CA10: variants seen among roughly 807,000 people sequenced by gnomAD.
CA10 encodes the protein carbonic anhydrase-related protein 10.
A neutral mutation model predicts 44.2 loss-of-function variants in CA10; 14 were observed. That is an observed-to-expected ratio of 0.32 (90% CI 0.21 to 0.50). The LOEUF is 0.50. Among genes scored for constraint, CA10 ranks in the 20% least tolerant of loss-of-function variants. The probability of loss-of-function intolerance (pLI) is 0.99; values close to 1 mark genes in which losing one functional copy is unlikely to be tolerated. For missense variants in CA10, 350 were observed against 409.7 expected, an observed-to-expected ratio of 0.85 and a Z score of 1.26; for synonymous variants, 159 against 141.6, an observed-to-expected ratio of 1.12 and a Z score of -0.87.
At chr17:51,935,135 G>A (rs1370280962) in intron 2 of CA10, among the ~76,000 whole-genome samples, 1 of 152,114 alleles carries the variant, frequency 6.6e-6, no homozygotes, top group Non-Finnish European at 1.5e-5. Flanking sequence ...CCTTCATAGT[G>A]TTATCTTTCA....
At chr17:52,033,572 C>A (rs1029066032) in intron 2 of CA10, among the ~76,000 whole-genome samples, 4 of 152,092 alleles carry the variant, frequency 2.6e-5, no homozygotes, top group African/African-American at 9.7e-5. Context: ...TACTATTCAG[C>A]AGTTAAATGA....
intron 2 of CA10, among the ~76,000 whole-genome samples, chr17:51,965,824 C>A (rs1280274836): frequency 6.6e-6 from 1 of 151,822 alleles, no homozygotes; most frequent in Non-Finnish European, 1.5e-5. Flanking sequence ...GATGCCCATT[C>A]TCACCACTCC....
intron 4 of CA10, among the ~76,000 whole-genome samples, chr17:51,739,767 G>A (rs1904383903): frequency 6.6e-6 from 1 of 152,190 alleles, no homozygotes; most frequent in African/African-American, 2.4e-5. Flanking sequence ...TGGTATTGCT[G>A]TAATGTGCCC....
intron 1 of CA10, among the ~76,000 whole-genome samples, chr17:52,127,856 G>A (rs1989153410): frequency 6.6e-6 from 1 of 152,166 alleles, no homozygotes; most frequent in South Asian, 2.1e-4. Flanking sequence ...GATATCCTGT[G>A]AACCTGTGTT....
At chr17:51,685,748 C>T (rs924705456) in intron 4 of CA10, among the ~76,000 whole-genome samples, 2 of 152,164 alleles carry the variant, frequency 1.3e-5, no homozygotes, top group African/African-American at 4.8e-5. Context: ...GCCAAACAAT[C>T]AACAGAGGTG....
intron 3 of CA10, among the ~76,000 whole-genome samples, chr17:51,843,420 T>G (rs540407214): frequency 1.3e-5 from 2 of 152,258 alleles, no homozygotes; most frequent in African/African-American, 4.8e-5. Context: ...CCTTGCACAC[T>G]GGTTTAAGAC....
chr17:52,046,308 T>TA (rs35690751), intron 2 of CA10, among the ~76,000 whole-genome samples: 73,691 of 145,450 alleles, frequency 0.51, 19,085 homozygotes, highest in East Asian at 0.78. Context: ...AAGCTTCTAG[T>TA]AAAAAAAAAA....
At chr17:51,994,876 G>A (rs1399181419) in intron 2 of CA10, among the ~76,000 whole-genome samples, 1 of 151,952 alleles carries the variant, frequency 6.6e-6, no homozygotes, top group African/African-American at 2.4e-5. Flanking sequence ...CCATGGTAGA[G>A]TTTTGTCTGT....
chr17:51,800,576 C>T (rs926360752), intron 3 of CA10, among the ~76,000 whole-genome samples: 3 of 152,130 alleles, frequency 2.0e-5, no homozygotes, highest in Non-Finnish European at 1.5e-5. Context: ...ACAACCTTGG[C>T]TAAGTTAACC....
intron 3 of CA10, among the ~76,000 whole-genome samples, chr17:51,851,474 G>A (rs776166794): frequency 2.6e-5 from 4 of 152,166 alleles, no homozygotes; most frequent in Admixed American, 6.5e-5. Context: ...TGTACCTCAC[G>A]GGTTGTTTTG....
At chr17:52,148,182 G>A (rs951693396) in intron 1 of CA10, among the ~76,000 whole-genome samples, 1 of 152,152 alleles carries the variant, frequency 6.6e-6, no homozygotes, top group East Asian at 1.9e-4. Context: ...AGTGGGGTAG[G>A]CTATTCTCCC....
At chr17:51,836,685 T>C (rs927616896) in intron 3 of CA10, among the ~76,000 whole-genome samples, 1 of 152,230 alleles carries the variant, frequency 6.6e-6, no homozygotes, top group African/African-American at 2.4e-5. Context: ...TTTGGACACC[T>C]TTGTTAAGGA....
chr17:52,013,773 G>A (rs1166717534), intron 2 of CA10, among the ~76,000 whole-genome samples: 1 of 151,836 alleles, frequency 6.6e-6, no homozygotes, highest in Non-Finnish European at 1.5e-5. Context: ...ATCCACAGGG[G>A]ACTGGTTTCA....
intron 8 of CA10, among the ~76,000 whole-genome samples, chr17:51,633,252 A>T (rs1182036478): frequency 6.6e-6 from 1 of 152,116 alleles, no homozygotes; most frequent in Non-Finnish European, 1.5e-5. Flanking sequence ...CCATCCACTT[A>T]CTTACCTACC....
In CA10 at chr17:52,072,315, T is replaced by C. The variant is rs1319492919; in HGVS notation, c.136+4A>G. On this transcript the variant is annotated splice_donor_region_variant and intron_variant, in intron 2 of 8. Coordinates refer to ENST00000451037, the MANE Select transcript of CA10 (RefSeq NM_020178.5). ...AATAAATTAAAGAATTAATGTGTAC[T>C]TACCTGGAACAAAGCTTCCCTGGAC... 6.3e-7 allele frequency: 1 copy of C among 1,591,396 alleles called. No individual in the cohort carries two copies. Among genetic ancestry groups the C allele is most frequent in the Non-Finnish European group, 8.6e-7 (1 of 1,159,686 alleles).
intron 1 of CA10, among the ~76,000 whole-genome samples, chr17:52,111,066 G>T (rs2143284420): frequency 6.6e-6 from 1 of 152,328 alleles, no homozygotes; most frequent in East Asian, 1.9e-4. Context: ...TGCAAAGCCA[G>T]CATGAATAGC....
In CA10 at chr17:51,630,624, A is replaced by C. The variant is rs1912528231; in HGVS notation, c.*960T>G. 1 of 152,666 alleles carries C rather than the reference A, an allele frequency of 6.6e-6. No individual in the cohort carries two copies. The highest frequency in any genetic ancestry group is 1.5e-5 in the Non-Finnish European group (1 of 68,042). 9.5% of individuals were successfully genotyped at this position (152,666 alleles called of 1,614,324 possible). A position where few individuals can be genotyped will look rare whatever the true frequency, so the allele number is the denominator to read the frequency against. ...AAAGTCATACTTGCTTAGCAAATGC[A>C]TTCCTGATTGCCACAAACTCAGTAA... On this transcript the variant is annotated 3_prime_UTR_variant, in exon 9 of 9. Transcript: ENST00000451037.
intron 1 of CA10, among the ~76,000 whole-genome samples, chr17:52,132,528 A>G (rs1177913274): frequency 6.6e-6 from 1 of 152,216 alleles, no homozygotes; most frequent in African/African-American, 2.4e-5. Flanking sequence ...CTGCTATATT[A>G]TTCTGAATAA....
At chr17:51,789,399 A>C (rs1455182237) in intron 3 of CA10, among the ~76,000 whole-genome samples, 1 of 152,250 alleles carries the variant, frequency 6.6e-6, no homozygotes, top group Non-Finnish European at 1.5e-5. Context: ...GTGTACTAAC[A>C]GATTATAGCT....
Sources: allele counts gnomAD v4.1 joint callset (sites outside exome capture counted in the v4.1 genomes callset), GRCh38; gene constraint gnomAD v4.1.1; transcripts MANE v1.5; gene names NCBI Gene and HGNC (gene_info 2026-07-23, HGNC 2026-07-21).